The following LGSN variants were observed in gnomAD, a reference collection of about 807,000 sequenced individuals.
LGSN encodes lengsin, lens protein with glutamine synthetase domain.
LGSN carries 21 observed loss-of-function variants against 19.5 expected under a neutral mutation model. That is an observed-to-expected ratio of 1.07 (90% CI 0.76 to 1.55). The LOEUF (loss-of-function observed/expected upper bound fraction) is 1.55. Among genes scored for constraint, LGSN ranks in the 40% most tolerant of loss-of-function variants. The pLI, the probability that LGSN is intolerant of heterozygous loss-of-function variation, is 0.00. For synonymous variants in LGSN, 257 were observed against 215.6 expected (o/e 1.19, Z -1.68); for missense variants, 673 against 608.5 (o/e 1.11, Z -1.12).
the LGSN span, among the ~76,000 whole-genome samples, chr6:63,517,788 T>A: frequency 6.6e-6 from 1 of 152,170 alleles, no homozygotes; most frequent in African/African-American, 2.4e-5. Context: ...ACACAGACTA[T>A]GTCCAAAATC....
At chr6:63,517,238 A>G in the LGSN span, among the ~76,000 whole-genome samples, 1 of 152,182 alleles carries the variant, frequency 6.6e-6, no homozygotes, top group Non-Finnish European at 1.5e-5. Flanking sequence ...GACCAGTGGC[A>G]TTAAAGAACT....
At position 63,319,906 on chromosome 6, in the gene LGSN, C is replaced by A; in HGVS notation, c.30+8G>T. The A allele has an allele frequency of 6.2e-7, 1 of 1,603,266 alleles. No individual in the cohort carries two copies. The highest frequency in any genetic ancestry group is 8.5e-7 in the Non-Finnish European group (1 of 1,170,558). On this transcript the variant is annotated splice_region_variant and intron_variant, in intron 1 of 3. Transcript: ENST00000370657. ...TGGTTAAAAACATTTTAATGATTAG[C>A]TTCATACCTCCTGCAGAAGGTCCTC...
At chr6:63,393,188 G>C in the LGSN span, among the ~76,000 whole-genome samples, 1 of 125,388 alleles carries the variant, frequency 8.0e-6, no homozygotes. Context: ...GCCCAGCCAA[G>C]ATGGAGTCTC....
chr6:63,549,758 A>AT, the LGSN span, among the ~76,000 whole-genome samples: 3 of 152,144 alleles, frequency 2.0e-5, no homozygotes, highest in Non-Finnish European at 4.4e-5. Flanking sequence ...TAAAAAAAAA[A>AT]GTTGATCTTA....
the LGSN span, among the ~76,000 whole-genome samples, chr6:63,535,376 C>A: frequency 6.6e-6 from 1 of 151,610 alleles, no homozygotes; most frequent in African/African-American, 2.4e-5. Context: ...GCCTGAGGCA[C>A]GAGAATCACT....
chr6:63,553,045 T>G, the LGSN span, among the ~76,000 whole-genome samples: 4 of 152,212 alleles, frequency 2.6e-5, no homozygotes, highest in Non-Finnish European at 5.9e-5. Context: ...TTCATACAGA[T>G]GTACCAGCAC....
At chr6:63,532,183 T>G in the LGSN span, among the ~76,000 whole-genome samples, 2 of 152,222 alleles carry the variant, frequency 1.3e-5, no homozygotes, top group Non-Finnish European at 2.9e-5. Flanking sequence ...ATTCAATCTT[T>G]CCTCTCACAT....
rs2127380075 is a variant in LGSN at position 63,280,200 on chromosome 6, C to A, written c.1351G>T (p.Glu451Ter). 1.2e-6 allele frequency: 2 copies of A among 1,614,210 alleles called. No homozygotes were observed. The highest frequency in any genetic ancestry group is 3.3e-4 in the Middle Eastern group (2 of 6,062). The part of the protein sequence containing the change: ...PDESTDFYQV[E>*]PSEIPLKLED... ...AGTTTTAAAGGGATCTCAGAAGGTT[C>A]CACTTGGTAAAAGTCTGTGCTCTCA... The change falls in exon 4 of 4, where the codon GAA becomes TAA. Residue 451 changes from glutamate to a stop codon, truncating the protein, a stop_gained. Transcript: ENST00000370657. LOFTEE classifies it high-confidence loss of function.
chr6:63,350,288 T>C, the LGSN span, among the ~76,000 whole-genome samples: 1 of 152,236 alleles, frequency 6.6e-6, no homozygotes, highest in Non-Finnish European at 1.5e-5. Context: ...ATGAAAGCAA[T>C]TACTATATTA....
chr6:63,290,247 C>G (rs1170124870), intron 2 of LGSN, among the ~76,000 whole-genome samples: 1 of 152,134 alleles, frequency 6.6e-6, no homozygotes, highest in Non-Finnish European at 1.5e-5. Flanking sequence ...AAAAAGGGAG[C>G]TTCTGAGCTA....
chr6:63,514,310 C>T, the LGSN span, among the ~76,000 whole-genome samples: 2 of 152,226 alleles, frequency 1.3e-5, no homozygotes, highest in African/African-American at 2.4e-5. Context: ...TCACTGCAAC[C>T]TCTGCCTCCC....
the LGSN span, among the ~76,000 whole-genome samples, chr6:63,382,675 G>A: frequency 6.6e-6 from 1 of 152,156 alleles, no homozygotes; most frequent in East Asian, 1.9e-4. Context: ...GTTGCCTGTA[G>A]ACATATATAC....
intron 3 of LGSN, among the ~76,000 whole-genome samples, chr6:63,285,167 T>C (rs1034268335): frequency 2.6e-5 from 4 of 152,240 alleles, no homozygotes; most frequent in Non-Finnish European, 4.4e-5. Flanking sequence ...CTGAAAGGAA[T>C]ACATTTTTTA....
At chr6:63,540,771 C>T in the LGSN span, among the ~76,000 whole-genome samples, 467 of 151,054 alleles carry the variant, frequency 3.1e-3, 2 homozygotes, top group Non-Finnish European at 5.1e-3. Context: ...GGCGGGGAGA[C>T]GTAGAAATAG....
the LGSN span, among the ~76,000 whole-genome samples, chr6:63,517,038 A>G: frequency 6.6e-6 from 1 of 152,196 alleles, no homozygotes; most frequent in South Asian, 2.1e-4. Flanking sequence ...CTGTCTGCCA[A>G]ACCTAATTCT....
the LGSN span, among the ~76,000 whole-genome samples, chr6:63,552,117 C>G: frequency 6.6e-6 from 1 of 152,196 alleles, no homozygotes; most frequent in Non-Finnish European, 1.5e-5. Flanking sequence ...GGAATCGCCA[C>G]ACTGACTTCC....
intron 1 of LGSN, among the ~76,000 whole-genome samples, chr6:63,315,912 A>G (rs1768831899): frequency 6.6e-6 from 1 of 151,990 alleles, no homozygotes; most frequent in African/African-American, 2.4e-5. Context: ...TGAGAGTTCA[A>G]TAGTATCTCT....
the LGSN span, chr6:63,571,419 G>A: frequency 2.0e-5 from 3 of 152,208 alleles, no homozygotes; most frequent in Admixed American, 1.3e-4. Context: ...CAGAGCTGAG[G>A]AGAAAGGGTT....
At chr6:63,368,119 A>G in the LGSN span, among the ~76,000 whole-genome samples, 2 of 145,340 alleles carry the variant, frequency 1.4e-5, no homozygotes, top group Non-Finnish European at 2.9e-5. Context: ...AGAAGCCAGA[A>G]AAAAAGAAAA....
Sources: gnomAD v4.1 joint callset for allele counts (sites outside exome capture counted in the v4.1 genomes callset) on GRCh38, gnomAD v4.1.1 for gene constraint, MANE v1.5 for transcripts, NCBI Gene and HGNC (gene_info 2026-07-23, HGNC 2026-07-21) for gene names.